PBX3: variants seen among roughly 807,000 people sequenced by gnomAD.
PBX3 encodes the protein pre-B-cell leukemia transcription factor 3.
Under a neutral mutation model 48.5 loss-of-function variants are expected in PBX3, and 14 were observed. The observed-to-expected ratio is 0.29, with a 90% CI of 0.19 to 0.45. PBX3 has a LOEUF of 0.45. Among genes scored for constraint, PBX3 ranks in the 20% least tolerant of loss-of-function variants. The pLI, the probability that PBX3 is intolerant of heterozygous loss-of-function variation, is 1.00. For missense variants in PBX3, 386 were observed against 546.7 expected, an observed-to-expected ratio of 0.71 and a Z score of 2.93; for synonymous variants, 210 against 200.3, an observed-to-expected ratio of 1.05 and a Z score of -0.41.
At chr9:125,821,303 A>G (rs1399873406) in intron 2 of PBX3, among the ~76,000 whole-genome samples, 1 of 152,170 alleles carries the variant, frequency 6.6e-6, no homozygotes. Flanking sequence ...CACAGATACT[A>G]GAGACTTCAT....
chr9:125,870,419 A>AC (rs1188767283), intron 2 of PBX3, among the ~76,000 whole-genome samples: 3 of 151,944 alleles, frequency 2.0e-5, no homozygotes, highest in African/African-American at 4.8e-5. Context: ...GGAAGGAAAC[A>AC]CCCCCTTATA....
At chr9:125,776,754 G>A (rs1837082559) in intron 2 of PBX3, among the ~76,000 whole-genome samples, 1 of 151,936 alleles carries the variant, frequency 6.6e-6, no homozygotes, top group Non-Finnish European at 1.5e-5. Flanking sequence ...ATGTTCCCCA[G>A]GCTGGTCTTG....
intron 5 of PBX3, among the ~76,000 whole-genome samples, chr9:125,943,077 A>G (rs1371133453): frequency 1.3e-5 from 2 of 152,080 alleles, no homozygotes; most frequent in Non-Finnish European, 2.9e-5. Context: ...ATAAAGAGAC[A>G]ATTTTCAGGC....
chr9:125,949,181 A>AGT (rs1842134512), intron 5 of PBX3, among the ~76,000 whole-genome samples: 1 of 152,220 alleles, frequency 6.6e-6, no homozygotes, highest in East Asian at 1.9e-4. Context: ...ATTTATTAAC[A>AGT]GTGTGACCTT....
At chr9:125,752,329 T>C (rs6478712) in intron 2 of PBX3, among the ~76,000 whole-genome samples, 96,180 of 151,968 alleles carry the variant, frequency 0.63, 30,890 homozygotes, top group East Asian at 0.76. Flanking sequence ...GCCTGCTTGG[T>C]TGGTTGGGCT....
At chr9:125,817,400 A>G (rs1389884344) in intron 2 of PBX3, among the ~76,000 whole-genome samples, 1 of 152,196 alleles carries the variant, frequency 6.6e-6, no homozygotes, top group Non-Finnish European at 1.5e-5. Flanking sequence ...GACTAGAGGT[A>G]CTTGTGACTT....
chr9:125,955,289 C>A (rs1236754647), intron 5 of PBX3, among the ~76,000 whole-genome samples: 6 of 152,138 alleles, frequency 3.9e-5, no homozygotes, highest in Non-Finnish European at 8.8e-5. Flanking sequence ...CTTCCTCTTC[C>A]TCAGCCAGAA....
rs188799299 is a variant in PBX3, at chr9:125,767,746, T to G, written c.274+19123T>G. Among the ~76,000 whole-genome samples the G allele has an allele frequency of 4.7e-4, 72 of 152,338 alleles. 1 individual carries two copies. In the East Asian group the frequency reaches 0.012, roughly 24 times the overall value. On this transcript the variant is annotated intron_variant, in intron 2 of 8. Coordinates refer to ENST00000373489, the MANE Select transcript of PBX3 (RefSeq NM_006195.6). Reference sequence around the variant, plus strand: ...TAAAAAACTACATTTTATCCAAATTTGTAACTGCAATCCACTTTCTTCTGA... The same window carrying G: ...TAAAAAACTACATTTTATCCAAATTGGTAACTGCAATCCACTTTCTTCTGA...
intron 2 of PBX3, among the ~76,000 whole-genome samples, chr9:125,836,783 A>G (rs1393894603): frequency 1.3e-5 from 2 of 152,242 alleles, no homozygotes; most frequent in Non-Finnish European, 2.9e-5. Context: ...ATGTAAAACT[A>G]CTATGTATCC....
At chr9:125,768,453 TAA>T (rs952168246) in intron 2 of PBX3, among the ~76,000 whole-genome samples, 2 of 152,244 alleles carry the variant, frequency 1.3e-5, no homozygotes, top group Non-Finnish European at 2.9e-5. Context: ...CTTAAAACGT[TAA>T]GTTAATTTAA....
chr9:125,900,821 G>T (rs1186070164), intron 2 of PBX3, among the ~76,000 whole-genome samples: 1 of 151,688 alleles, frequency 6.6e-6, no homozygotes, highest in Admixed American at 6.6e-5. Flanking sequence ...ATTGTTTTCA[G>T]TGTAATACCT....
chr9:125,903,658 GAAGT>G (rs1480534038), intron 2 of PBX3, among the ~76,000 whole-genome samples: 1 of 151,802 alleles, frequency 6.6e-6, no homozygotes, highest in Non-Finnish European at 1.5e-5. Flanking sequence ...TTAAACAAAA[GAAGT>G]AAGTTAACAA....
At chr9:125,775,513 A>T (rs1192570428) in intron 2 of PBX3, among the ~76,000 whole-genome samples, 5 of 152,162 alleles carry the variant, frequency 3.3e-5, no homozygotes, top group Admixed American at 2.0e-4. Flanking sequence ...TCTTTCCCTC[A>T]TTGAATGTTT....
chr9:125,915,749 A>G lies in PBX3; in HGVS notation c.338A>G (p.Asn113Ser), dbSNP rs1564171655. Residue 113 changes from asparagine to serine, a missense_variant, in exon 3 of 9, where the codon AAT becomes AGT. Around this residue, in one of 4 missense-constraint regions of PBX3, gnomAD observed 69 missense variants for 99.1 expected, o/e 0.70. Coordinates refer to ENST00000373489, the MANE Select transcript of PBX3 (RefSeq NM_006195.6). ...GATCCCCAGCTAATGAGACTGGACA[A>G]TATGCTTTTGGCAGAAGGGGTTTCA... Reference protein sequence around the residue: ...PPDPQLMRLDNMLLAEGVSGP... With the variant: ...PPDPQLMRLDSMLLAEGVSGP... 6.2e-7 allele frequency: 1 copy of G among 1,614,102 alleles called. No homozygotes were observed. The highest frequency in any genetic ancestry group is 8.5e-7 in the Non-Finnish European group (1 of 1,180,024).
chr9:125,758,389 A>G (rs1012870146), intron 2 of PBX3, among the ~76,000 whole-genome samples: 5 of 152,132 alleles, frequency 3.3e-5, no homozygotes, highest in Non-Finnish European at 7.3e-5. Flanking sequence ...CAGAATATTG[A>G]CATGCCATCT....
At chr9:125,867,640 C>CAAAAAA (rs34050364) in intron 2 of PBX3, among the ~76,000 whole-genome samples, 1 of 92,206 alleles carries the variant, frequency 1.1e-5, no homozygotes, top group East Asian at 3.3e-4. Context: ...GACTCCATCT[C>CAAAAAA]AAAAAAAAAA....
chr9:125,961,652 C>T (rs1842433657), intron 6 of PBX3, among the ~76,000 whole-genome samples: 1 of 151,898 alleles, frequency 6.6e-6, no homozygotes, highest in Non-Finnish European at 1.5e-5. Flanking sequence ...CACATAAAAA[C>T]AGATGAAAGG....
chr9:125,756,454 A>G (rs555283893), intron 2 of PBX3, among the ~76,000 whole-genome samples: 23 of 152,288 alleles, frequency 1.5e-4, no homozygotes, highest in South Asian at 1.2e-3. Context: ...TGGAACTTCT[A>G]TCTATAAACC....
intron 2 of PBX3, among the ~76,000 whole-genome samples, chr9:125,909,844 G>A (rs1030021843): frequency 1.3e-5 from 2 of 152,230 alleles, no homozygotes; most frequent in East Asian, 1.9e-4. Flanking sequence ...TGTCATTATA[G>A]CATCTAGCTG....
Sources: gnomAD v4.1 joint callset for allele counts (sites outside exome capture counted in the v4.1 genomes callset) on GRCh38, gnomAD v4.1.1 for gene constraint, gnomAD v4.1.1 regional missense constraint, MANE v1.5 for transcripts, NCBI Gene and HGNC (gene_info 2026-07-23, HGNC 2026-07-21) for gene names.